NBAS: variants seen among roughly 807,000 people sequenced by gnomAD.
NBAS encodes NBAS subunit of NRZ tethering complex.
In NBAS, 219 loss-of-function variants were observed where a neutral mutation model predicts 302.5. The ratio of observed to expected loss-of-function variants is 0.72; its 90% CI spans 0.65 to 0.81. The LOEUF is 0.81. Ranked by LOEUF, NBAS falls within the 30% of genes least tolerant of loss-of-function variation. NBAS has a pLI of 0.00. For synonymous variants in NBAS, 1,118 were observed against 1,021.6 expected (o/e 1.09, Z -1.80); for missense variants, 2,932 against 2,841.6 (o/e 1.03, Z -0.72).
Position 15,308,360 on chromosome 2 carries a change from G to C in NBAS, c.4660-7C>G. 6.2e-7 allele frequency: 1 copy of C among 1,613,774 alleles called. No individual in the cohort carries two copies. Among genetic ancestry groups the C allele is most frequent in the Non-Finnish European group, 8.5e-7 (1 of 1,179,878 alleles). ...ACCGGTTAGCATCTAACACCTAGGAGGGAACATGTTAGAATTAACTCAGCT... is the reference window on the plus strand; with the variant it reads ...ACCGGTTAGCATCTAACACCTAGGACGGAACATGTTAGAATTAACTCAGCT... On this transcript the variant is annotated splice_polypyrimidine_tract_variant and splice_region_variant and intron_variant, in intron 39 of 51. Transcript: ENST00000281513.
At chr2:14,998,419 G>A in the NBAS span, among the ~76,000 whole-genome samples, 2 of 152,266 alleles carry the variant, frequency 1.3e-5, no homozygotes, top group East Asian at 1.9e-4. Flanking sequence ...ACACAATGGA[G>A]ACCTGCAACA....
At chr2:15,450,855 T>C (rs1400070685) in intron 21 of NBAS, among the ~76,000 whole-genome samples, 2 of 152,214 alleles carry the variant, frequency 1.3e-5, no homozygotes, top group Non-Finnish European at 2.9e-5. Context: ...TCATGATTAA[T>C]TATAAATTTC....
At chr2:15,349,731 A>ATCAC (rs144341253) in intron 35 of NBAS, among the ~76,000 whole-genome samples, 3,946 of 152,292 alleles carry the variant, frequency 0.026, 130 homozygotes, top group African/African-American at 0.079. Context: ...AAGCTGGTGG[A>ATCAC]TCACTTGAGG....
At chr2:15,397,602 T>C (rs63106161) in intron 26 of NBAS, 401,034 of 603,826 alleles carry the variant, frequency 0.66, 136,374 homozygotes, top group Middle Eastern at 0.72. Context: ...AGCACATAGG[T>C]TTCAAAGACG....
the NBAS span, among the ~76,000 whole-genome samples, chr2:14,783,808 T>C: frequency 1.3e-5 from 2 of 152,070 alleles, no homozygotes; most frequent in Admixed American, 1.3e-4. Flanking sequence ...TATAGCAGCA[T>C]GATTTATAGT....
chr2:15,556,180 A>G (rs1318991744), intron 3 of NBAS, among the ~76,000 whole-genome samples: 1 of 152,228 alleles, frequency 6.6e-6, no homozygotes, highest in South Asian at 2.1e-4. Context: ...TTATGGAACT[A>G]TATTATCTCT....
At position 15,561,279 on chromosome 2, in the gene NBAS, G is replaced by T. The variant is rs541771140; in HGVS notation, c.26C>A (p.Ala9Asp). The T allele has an allele frequency of 1.2e-6, 2 of 1,613,612 alleles. No individual in the cohort carries two copies. Among genetic ancestry groups the T allele is most frequent in the Non-Finnish European group, 8.5e-7 (1 of 1,180,030 alleles). ...ACCCTCTGCAGTGCCTGGACTCAAA[G>T]CCGGCCCTGACTCGGGGGCCGCCAT... is the stretch of plus-strand genomic sequence containing the variant. MAAPESGP[A>D]LSPGTAEGEE... The change falls in exon 1 of 52, where the codon GCT becomes GAT. Residue 9 changes from alanine (A) to aspartate (D), a missense_variant. Transcript: ENST00000281513.
chr2:15,514,667 ATATAG>A (rs1388137079), intron 9 of NBAS, among the ~76,000 whole-genome samples: 3 of 151,282 alleles, frequency 2.0e-5, no homozygotes, highest in Non-Finnish European at 4.4e-5. Flanking sequence ...AAAACATATA[ATATAG>A]TAAACATTAA....
At chr2:15,337,564 G>A (rs1169703256) in intron 35 of NBAS, among the ~76,000 whole-genome samples, 1 of 152,170 alleles carries the variant, frequency 6.6e-6, no homozygotes, top group African/African-American at 2.4e-5. Context: ...CCAAATGGAT[G>A]GGCTAGCTCA....
At chr2:15,238,272 C>T (rs749428783) in intron 45 of NBAS, among the ~76,000 whole-genome samples, 196 bp downstream of exon 45, 4 of 152,090 alleles carry the variant, frequency 2.6e-5, no homozygotes, top group Non-Finnish European at 5.9e-5. Context: ...AGTGGCTTAA[C>T]ATCATTTTGA....
chr2:14,935,772 A>C, the NBAS span, among the ~76,000 whole-genome samples: 2 of 152,212 alleles, frequency 1.3e-5, no homozygotes, highest in South Asian at 2.1e-4. Context: ...TGTCTGCCTC[A>C]GCCTCCTCAT....
At chr2:15,344,653 C>T (rs933607522) in intron 35 of NBAS, among the ~76,000 whole-genome samples, 1 of 152,178 alleles carries the variant, frequency 6.6e-6, no homozygotes, top group African/African-American at 2.4e-5. Context: ...TCCTCCCTAA[C>T]TCATTTTATG....
chr2:14,990,320 A>G, the NBAS span, among the ~76,000 whole-genome samples: 2 of 150,640 alleles, frequency 1.3e-5, no homozygotes, highest in Admixed American at 6.6e-5. Context: ...GCTACTCGGG[A>G]GACTGAGGCA....
At chr2:15,095,656 T>C in the NBAS span, among the ~76,000 whole-genome samples, 1 of 152,148 alleles carries the variant, frequency 6.6e-6, no homozygotes, top group African/African-American at 2.4e-5. Flanking sequence ...TCCCCCACAG[T>C]GTGGAGGCAC....
rs536003263 is a variant in NBAS, at chr2:15,305,601, G to A, written c.4797+2615C>T. 9.2e-5 allele frequency among the ~76,000 whole-genome samples: 14 copies of A among 151,982 alleles called. No homozygotes were observed. In the South Asian group the frequency reaches 1.9e-3, roughly 20 times the overall value. ...CCAGTAGTTGGGATTACAGGTGCCC[G>A]CCACCATGCCCAGCTAATTTTTATA... is the stretch of plus-strand genomic sequence containing the variant. On this transcript the variant is annotated intron_variant, in intron 40 of 51. Coordinates refer to ENST00000281513, the MANE Select transcript of NBAS (RefSeq NM_015909.4).
At chr2:15,086,122 TG>T in the NBAS span, among the ~76,000 whole-genome samples, 54 of 152,184 alleles carry the variant, frequency 3.5e-4, no homozygotes, top group African/African-American at 1.2e-3. Context: ...GGCCCCTGCA[TG>T]GCTGCCCATG....
chr2:15,011,073 C>T, the NBAS span, among the ~76,000 whole-genome samples: 42 of 152,222 alleles, frequency 2.8e-4, no homozygotes, highest in African/African-American at 8.4e-4. Context: ...CCAATTGTTG[C>T]GGTATTGTGG....
intron 44 of NBAS, among the ~76,000 whole-genome samples, chr2:15,274,126 T>C (rs1669459947): frequency 6.6e-6 from 1 of 151,874 alleles, no homozygotes; most frequent in Non-Finnish European, 1.5e-5. Flanking sequence ...ACAAAAAACA[T>C]GATTACTCCT....
chr2:15,193,052 TTGTTTTTATAATAG>T (rs1665437873), intron 48 of NBAS, among the ~76,000 whole-genome samples: 1 of 152,162 alleles, frequency 6.6e-6, no homozygotes, highest in Non-Finnish European at 1.5e-5. Context: ...ACCTTTATAT[TTGTTTTTATAATAG>T]TGTGCAAATA....
Sources: gnomAD v4.1 joint callset for allele counts (sites outside exome capture counted in the v4.1 genomes callset) on GRCh38, gnomAD v4.1.1 for gene constraint, MANE v1.5 for transcripts, NCBI Gene and HGNC (gene_info 2026-07-23, HGNC 2026-07-21) for gene names.